Variants in TPPP2 observed in about 807,000 individuals in gnomAD.
TPPP2 encodes tubulin polymerization promoting protein family member 2.
TPPP2 carries 8 observed loss-of-function variants against 13.0 expected under a neutral mutation model. The observed-to-expected ratio is 0.62, with a 90% confidence interval of 0.36 to 1.11. The LOEUF is 1.11. TPPP2 is among the 50% of genes most tolerant of loss of function. TPPP2 has a pLI of 0.02. For missense variants in TPPP2, 213 were observed against 216.9 expected, an observed-to-expected ratio of 0.98 and a Z score of 0.11; for synonymous variants, 81 against 81.8, an observed-to-expected ratio of 0.99 and a Z score of 0.05.
chr14:21,025,575 C>A, upstream of TPPP2: 5 of 985,342 alleles, frequency 5.1e-6, no homozygotes, highest in African/African-American at 1.7e-5. The surrounding 1 kb of genome is among the most constrained non-coding windows in gnomAD (Gnocchi z 5.1). Context: ...AGGCGGGGGT[C>A]TCGCCGGCTG....
chr14:21,031,166 G>A lies in TPPP2; in HGVS notation c.327+1G>A, dbSNP rs761272300. 2.5e-6 allele frequency: 4 copies of A among 1,613,118 alleles called. No homozygotes were observed. The African/African-American group carries it at 4.0e-5, about 16-fold the overall frequency. On this transcript the variant is annotated splice_donor_variant, in intron 3 of 3. Transcript: ENST00000321760. LOFTEE classifies it high-confidence loss of function. Reference sequence around the variant, plus strand: ...AGACCCAGCCACCACTGGCGCTACTGTGAGTGACAGCCTTCATCCCCTTGA... The same window carrying A: ...AGACCCAGCCACCACTGGCGCTACTATGAGTGACAGCCTTCATCCCCTTGA...
At position 21,032,565 on chromosome 14, in the gene TPPP2, C is replaced by T. The variant is rs182327983; in HGVS notation, c.*488C>T. On this transcript the variant is annotated 3_prime_UTR_variant, in exon 4 of 4. Transcript: ENST00000321760. ...GTTTTTTGGGTGGAGGAGTAGAAGC[C>T]AGCTAAGGTTGCCTGACTTCTATTA... The T allele has an allele frequency of 5.8e-6, 2 of 345,578 alleles. No homozygotes were observed. The highest frequency in any genetic ancestry group is 4.3e-5 in the African/African-American group (2 of 46,134). The allele number at this position is 345,578 out of a possible 1,614,324, so 21.4% of individuals were successfully genotyped here.
exon 1 of TPPP2, chr14:21,024,300 T>A: frequency 1.0e-6 from 1 of 985,368 alleles, no homozygotes; most frequent in Non-Finnish European, 1.2e-6. Flanking sequence ...TACAAGGGCA[T>A]CAGTTCAGGC....
upstream of TPPP2, among the ~76,000 whole-genome samples, chr14:21,027,843 T>G (rs961907472): frequency 2.0e-5 from 3 of 152,112 alleles, no homozygotes; most frequent in African/African-American, 7.2e-5. Flanking sequence ...AACCACCAAA[T>G]GAGAAGTGCA....
downstream of TPPP2, chr14:21,033,193 G>T: frequency 2.8e-6 from 1 of 354,960 alleles, no homozygotes; most frequent in Non-Finnish European, 5.5e-6. Flanking sequence ...GGGGGAGACA[G>T]TCCTAGGCTC....
At chr14:21,033,516 G>A (rs954720231), downstream of TPPP2, 2 of 429,888 alleles carry the variant, frequency 4.7e-6, no homozygotes, top group East Asian at 4.7e-5. Flanking sequence ...TGGCCCAGTG[G>A]GTGGACAGTC....
Position 21,031,165 on chromosome 14 carries a change from T to G in TPPP2, c.327T>G (p.Thr109=). The change falls in exon 3 of 4, where the codon ACT becomes ACG. Residue 109 remains threonine, a splice_region_variant and synonymous_variant. Coordinates refer to ENST00000321760, the MANE Select transcript of TPPP2 (RefSeq NM_173846.5). ...EGKDPATTGA[T]KATTVGAVDR... The stretch of plus-strand genomic sequence containing the variant: ...AAGACCCAGCCACCACTGGCGCTAC[T>G]GTGAGTGACAGCCTTCATCCCCTTG... 1 of 1,613,376 alleles carries G rather than the reference T, an allele frequency of 6.2e-7. No homozygotes were observed. The highest frequency in any genetic ancestry group is 8.5e-7 in the Non-Finnish European group (1 of 1,179,714).
chr14:21,033,145 A>G (rs1335713282), downstream of TPPP2: 3 of 376,390 alleles, frequency 8.0e-6, no homozygotes, highest in South Asian at 6.1e-5. Flanking sequence ...AAGAGGTTGG[A>G]AAAAGGAAGG....
chr14:21,031,025 C>G lies in TPPP2; in HGVS notation c.187C>G (p.Arg63Gly), dbSNP rs766822360. 4.3e-6 allele frequency: 7 copies of G among 1,609,558 alleles called. No homozygotes were observed. The African/African-American group carries it at 9.4e-5, about 22-fold the overall frequency. Residue 63 changes from arginine to glycine, a missense_variant, in exon 3 of 4, where the codon CGA becomes GGA. By Grantham distance (125) the Arg-to-Gly change is moderately radical. Coordinates refer to ENST00000321760, the MANE Select transcript of TPPP2 (RefSeq NM_173846.5). ...CTAACTGACCAGGGCCAAGAACGCC[C>G]GAACCATCACGTTTCAACAGTTCAA... is the stretch of plus-strand genomic sequence containing the variant. Reference protein sequence around the residue: ...VFSKVKAKNARTITFQQFKEA... With the variant: ...VFSKVKAKNAGTITFQQFKEA...
At chr14:21,031,518 C>T (rs1047186178) in intron 3 of TPPP2, among the ~76,000 whole-genome samples, 1 of 152,214 alleles carries the variant, frequency 6.6e-6, no homozygotes, top group Non-Finnish European at 1.5e-5. Flanking sequence ...CCTCCTGCCT[C>T]TCACCTACTC....
At chr14:21,030,968 G>A in intron 2 of TPPP2, 44 bp from the exon 3 acceptor site, 1 of 1,572,760 alleles carries the variant, frequency 6.4e-7, no homozygotes, top group Non-Finnish European at 8.6e-7. Context: ...GGAAGGTAAT[G>A]CATTCATGCT....
At chr14:21,035,773 C>T (rs1566491932), downstream of TPPP2, 1 of 456,300 alleles carries the variant, frequency 2.2e-6, no homozygotes, top group East Asian at 6.9e-5. Flanking sequence ...ACTTGTTTCT[C>T]TTCCTGTTTT....
intron 3 of TPPP2, 48 bp from the exon 4 acceptor site, chr14:21,031,844 G>T: frequency 6.3e-7 from 1 of 1,586,098 alleles, no homozygotes; most frequent in South Asian, 1.1e-5. Context: ...GAAGGGATAT[G>T]ACAGCGTAAG....
In TPPP2 at chr14:21,032,038, T is replaced by A; in HGVS notation, c.474T>A (p.Gly158=). 1.9e-6 allele frequency: 3 copies of A among 1,614,004 alleles called. No individual in the cohort carries two copies. The highest frequency in any genetic ancestry group is 2.5e-6 in the Non-Finnish European group (3 of 1,179,984). The change falls in exon 4 of 4, where the codon GGT becomes GGA. Residue 158 remains glycine (G), a synonymous_variant. Transcript: ENST00000321760. Reference sequence around the variant, plus strand: ...CTGACAACACAGGCTATGTGAGTGGTTACAAGGGTTCTGGCACCTACGATA... The same window carrying A: ...CTGACAACACAGGCTATGTGAGTGGATACAAGGGTTCTGGCACCTACGATA... ...EMTDNTGYVS[G]YKGSGTYDKK... is the part of the protein sequence containing the mutation.
downstream of TPPP2, chr14:21,033,580 A>G: frequency 1.8e-6 from 1 of 566,438 alleles, no homozygotes; most frequent in East Asian, 3.0e-5. Flanking sequence ...TCTCTGGGAG[A>G]GGAAGGATGA....
chr14:21,025,641 G>A, upstream of TPPP2: 3 of 985,428 alleles, frequency 3.0e-6, no homozygotes, highest in South Asian at 4.7e-5. This position sits in a 1 kb window ranked among gnomAD's most constrained non-coding sequence, Gnocchi z 5.1. Flanking sequence ...CGAGGGCGCA[G>A]GAGTTCCGAC....
chr14:21,026,152 GCACACA>G (rs147701833), upstream of TPPP2, among the ~76,000 whole-genome samples: 4 of 149,710 alleles, frequency 2.7e-5, no homozygotes, highest in East Asian at 7.8e-4. Context: ...ACACGCACAC[GCACACA>G]CACACACACA....
downstream of TPPP2, among the ~76,000 whole-genome samples, chr14:21,035,101 G>A (rs1008551017): frequency 6.6e-6 from 1 of 152,232 alleles, no homozygotes; most frequent in Non-Finnish European, 1.5e-5. Context: ...CGGGAGCCCA[G>A]GAGGGCATGT....
rs1884286357 is a variant in TPPP2 at position 21,032,472 on chromosome 14, G to A, written c.*395G>A. 2 of 390,588 alleles carry A rather than the reference G, an allele frequency of 5.1e-6. No individual in the cohort carries two copies. Among genetic ancestry groups the A allele is most frequent in the Admixed American group, 3.1e-5 (1 of 32,112 alleles). 24.2% of individuals were successfully genotyped at this position (390,588 alleles called of 1,614,324 possible). A position where few individuals can be genotyped will look rare whatever the true frequency, so the allele number is the denominator to read the frequency against. ...AGGGTGTAGCAATTCCTCACGTGAT[G>A]GACTATGACTATATCACATATTAGA... is the stretch of plus-strand genomic sequence containing the variant. On this transcript the variant is annotated 3_prime_UTR_variant, in exon 4 of 4. Coordinates refer to ENST00000321760, the MANE Select transcript of TPPP2 (RefSeq NM_173846.5).
Sources: allele counts gnomAD v4.1 joint callset (sites outside exome capture counted in the v4.1 genomes callset), GRCh38; gene constraint gnomAD v4.1.1; non-coding constraint Gnocchi (gnomAD v3.1); transcripts MANE v1.5; gene names NCBI Gene and HGNC (gene_info 2026-07-23, HGNC 2026-07-21).